Variants in MANBA observed in about 807,000 individuals in gnomAD.
MANBA encodes mannosidase beta.
MANBA carries 83 observed loss-of-function variants against 111.1 expected under a neutral mutation model. The ratio of observed to expected loss-of-function variants is 0.75; its 90% CI spans 0.63 to 0.90. The LOEUF is 0.90. Among genes scored for constraint, MANBA ranks in the 40% least tolerant of loss-of-function variants. MANBA has a pLI of 0.00. For missense variants in MANBA, 1,036 were observed against 1,069.0 expected, an observed-to-expected ratio of 0.97 and a Z score of 0.43; for synonymous variants, 370 against 378.7, an observed-to-expected ratio of 0.98 and a Z score of 0.27.
chr4:102,676,245 T>C (rs1731722720), intron 7 of MANBA, among the ~76,000 whole-genome samples: 1 of 152,216 alleles, frequency 6.6e-6, no homozygotes, highest in African/African-American at 2.4e-5. Context: ...AGTTAAGTTG[T>C]AGTGTCTCAT....
chr4:102,705,676 T>C (rs9993014), intron 5 of MANBA, among the ~76,000 whole-genome samples: 2,454 of 152,200 alleles, frequency 0.016, 34 homozygotes, highest in African/African-American at 0.038. Flanking sequence ...CACCCAAGCA[T>C]TCCACCAGTG....
At chr4:102,696,446 G>A (rs1293797426) in intron 5 of MANBA, among the ~76,000 whole-genome samples, 1 of 152,172 alleles carries the variant, frequency 6.6e-6, no homozygotes, top group Non-Finnish European at 1.5e-5. Context: ...AACCTTGACA[G>A]GCATTATAAA....
At chr4:102,710,934 C>T (rs1259595195) in intron 5 of MANBA, among the ~76,000 whole-genome samples, 1 of 152,068 alleles carries the variant, frequency 6.6e-6, no homozygotes, top group Non-Finnish European at 1.5e-5. Flanking sequence ...TGAAACTGGA[C>T]TCTTATCTCT....
chr4:102,714,595 T>C (rs1237639188), intron 4 of MANBA, 34 bp from the exon 5 acceptor site: 1 of 1,589,476 alleles, frequency 6.3e-7, no homozygotes, highest in East Asian at 2.2e-5. Context: ...AGATATATTC[T>C]GATTATGGTG....
intron 15 of MANBA, 82 bp downstream of exon 15, chr4:102,635,783 T>C: frequency 7.1e-7 from 1 of 1,410,984 alleles, no homozygotes; most frequent in Non-Finnish European, 1.0e-6. Flanking sequence ...CTCTTTTATT[T>C]TCCCAAAAGA....
intron 13 of MANBA, among the ~76,000 whole-genome samples, chr4:102,643,859 T>G (rs144561987): frequency 6.6e-6 from 1 of 152,326 alleles, no homozygotes; most frequent in South Asian, 2.1e-4. Flanking sequence ...ATTTTCTCGA[T>G]AGCGTCTTTT....
intron 13 of MANBA, among the ~76,000 whole-genome samples, chr4:102,640,557 C>T (rs376536371): frequency 6.6e-6 from 1 of 152,150 alleles, no homozygotes; most frequent in East Asian, 1.9e-4. Flanking sequence ...CTGCCGTTAC[C>T]GACACATATG....
chr4:102,682,445 G>A lies in MANBA; in HGVS notation c.960+7129C>T, dbSNP rs541024730. On this transcript the variant is annotated intron_variant, in intron 7 of 16. Coordinates refer to ENST00000647097, the MANE Select transcript of MANBA (RefSeq NM_005908.4). Reference sequence around the variant, plus strand: ...CACCCACTTACTGTCTGCACCTAGGGCTAACTGCTCCCAAGGCCCACCTGG... The same window carrying A: ...CACCCACTTACTGTCTGCACCTAGGACTAACTGCTCCCAAGGCCCACCTGG... Among the ~76,000 whole-genome samples the A allele has an allele frequency of 6.1e-4, 93 of 152,092 alleles. 1 individual carries two copies. Among genetic ancestry groups the A allele is most frequent in the African/African-American group, 2.2e-3 (90 of 41,480 alleles).
At chr4:102,751,868 C>T in intron 1 of MANBA, 4 of 546,746 alleles carry the variant, frequency 7.3e-6, no homozygotes, top group South Asian at 4.5e-5. Context: ...GTTTGTCTTG[C>T]TTATTTGTGA....
Position 102,713,174 on chromosome 4 carries a change from G to A in MANBA, c.673+1264C>T, listed in dbSNP as rs116043641. On this transcript the variant is annotated intron_variant, in intron 5 of 16. Transcript: ENST00000647097. Reference sequence around the variant, plus strand: ...TTGAATAGCAAGCTAAGGTCACCAGGGCTCTCAAGATAACAGAACTCTTGA... The same window carrying A: ...TTGAATAGCAAGCTAAGGTCACCAGAGCTCTCAAGATAACAGAACTCTTGA... 5.4e-3 allele frequency among the ~76,000 whole-genome samples: 828 copies of A among 152,146 alleles called. 12 individuals carry two copies. The highest frequency in any genetic ancestry group is 0.019 in the African/African-American group (786 of 41,516).
intron 5 of MANBA, among the ~76,000 whole-genome samples, chr4:102,707,431 G>T (rs886098805): frequency 1.3e-5 from 2 of 152,152 alleles, no homozygotes; most frequent in Non-Finnish European, 2.9e-5. Flanking sequence ...AAATGGTTAA[G>T]GGAGTTCTAC....
At chr4:102,728,692 T>C in intron 1 of MANBA, 1 of 611,828 alleles carries the variant, frequency 1.6e-6, no homozygotes, top group Non-Finnish European at 2.9e-6. Flanking sequence ...TGCTCCCTTC[T>C]GCTCTCTGGG....
At chr4:102,678,899 T>C (rs1340176642) in intron 7 of MANBA, among the ~76,000 whole-genome samples, 1 of 152,234 alleles carries the variant, frequency 6.6e-6, no homozygotes, top group Non-Finnish European at 1.5e-5. Flanking sequence ...CCAAGGCTGC[T>C]TCTCAGCTGT....
intron 1 of MANBA, among the ~76,000 whole-genome samples, chr4:102,756,309 T>G (rs1406561569): frequency 7.9e-5 from 12 of 152,090 alleles, no homozygotes; most frequent in Admixed American, 7.9e-4. Flanking sequence ...AAAGGATGAG[T>G]TCATGTCCTT....
At chr4:102,723,312 T>C (rs1345127094) in intron 3 of MANBA, among the ~76,000 whole-genome samples, 2 of 152,138 alleles carry the variant, frequency 1.3e-5, no homozygotes, top group Admixed American at 6.5e-5. Context: ...CCTAGGGAAA[T>C]GGATAGAGCA....
intron 1 of MANBA, chr4:102,730,447 G>A (rs1050008398): frequency 1.0e-5 from 5 of 499,436 alleles, no homozygotes; most frequent in Non-Finnish European, 1.9e-5. Flanking sequence ...AGAGTATTCG[G>A]GGTAAGGGTC....
intron 1 of MANBA, among the ~76,000 whole-genome samples, chr4:102,731,317 G>A (rs938484225): frequency 6.6e-6 from 1 of 152,142 alleles, no homozygotes; most frequent in African/African-American, 2.4e-5. Flanking sequence ...TCACTGTGCT[G>A]TTTGCGCCAC....
chr4:102,649,165 T>C (rs1349397461), intron 13 of MANBA, among the ~76,000 whole-genome samples: 1 of 152,194 alleles, frequency 6.6e-6, no homozygotes, highest in Admixed American at 6.5e-5. Flanking sequence ...TTAAAAGACA[T>C]TTAGGTTGTT....
intron 14 of MANBA, 135 bp downstream of exon 14, chr4:102,639,577 AG>A: frequency 1.7e-6 from 2 of 1,189,852 alleles, no homozygotes; most frequent in South Asian, 2.6e-5. Context: ...GTTCCTAGGC[AG>A]GCTTTTTAAA....
Sources: allele counts gnomAD v4.1 joint callset (sites outside exome capture counted in the v4.1 genomes callset), GRCh38; gene constraint gnomAD v4.1.1; transcripts MANE v1.5; gene names NCBI Gene and HGNC (gene_info 2026-07-23, HGNC 2026-07-21).